KBTBD11: variants seen among roughly 807,000 people sequenced by gnomAD.
KBTBD11 encodes kelch repeat and BTB domain containing 11.
For missense variants in KBTBD11, 1,390 were observed against 1,001.8 expected (o/e 1.39, Z -5.23); for synonymous variants, 747 against 499.0 (o/e 1.50, Z -6.63).
At chr8:1,982,886 C>A (rs1257353800) in intron 1 of KBTBD11, among the ~76,000 whole-genome samples, 1 of 152,070 alleles carries the variant, frequency 6.6e-6, no homozygotes, top group Non-Finnish European at 1.5e-5. Context: ...CCACCATGCC[C>A]AACTAATTTT....
chr8:1,980,228 CTTT>C lies in KBTBD11; in HGVS notation c.-909+6308_-909+6310del, dbSNP rs71211538. On this transcript the variant is annotated intron_variant, in intron 1 of 1. Transcript: ENST00000320248. ...ATGATGTGAAATACTGATAATCAAA[CTTT>C]TTTTTTTTTTTTTTGAGATGGGGTC... Among the ~76,000 whole-genome samples the C allele has an allele frequency of 4.3e-4, 53 of 124,616 alleles. No homozygotes were observed. The South Asian group carries it at 6.8e-3, about 16-fold the overall frequency. The allele number at this position is 124,616 out of a possible 152,430, so 81.8% of individuals were successfully genotyped here. A position where few individuals can be genotyped will look rare whatever the true frequency, so the allele number is the denominator to read the frequency against.
At chr8:1,991,560 A>G (rs1253278636) in intron 1 of KBTBD11, among the ~76,000 whole-genome samples, 1 of 151,946 alleles carries the variant, frequency 6.6e-6, no homozygotes, top group African/African-American at 2.4e-5. Flanking sequence ...CCATGAGGGC[A>G]GGGCCCTTGC....
At chr8:1,984,085 G>A (rs1279453669) in intron 1 of KBTBD11, among the ~76,000 whole-genome samples, 4 of 152,148 alleles carry the variant, frequency 2.6e-5, no homozygotes, top group South Asian at 2.1e-4. Context: ...AGCCAAGATC[G>A]CGCCATTGCC....
intron 1 of KBTBD11, among the ~76,000 whole-genome samples, chr8:1,986,483 T>G (rs1380830282): frequency 1.3e-5 from 2 of 152,238 alleles, no homozygotes; most frequent in Non-Finnish European, 2.9e-5. Flanking sequence ...AACTTGTTTG[T>G]AATCTTGGAC....
intron 1 of KBTBD11, chr8:1,975,172 T>C (rs1462518120): frequency 6.6e-6 from 1 of 152,282 alleles, no homozygotes; most frequent in Non-Finnish European, 1.5e-5. Flanking sequence ...TGCAGATTTA[T>C]GGTAACTGGC....
intron 1 of KBTBD11, chr8:1,974,296 G>A (rs1201918675): frequency 1.0e-6 from 1 of 983,940 alleles, no homozygotes; most frequent in Non-Finnish European, 1.2e-6. Flanking sequence ...AACCCCGGCC[G>A]GAAGACAATG....
At chr8:1,976,939 C>T (rs1165053980) in intron 1 of KBTBD11, among the ~76,000 whole-genome samples, 2 of 152,022 alleles carry the variant, frequency 1.3e-5, no homozygotes, top group East Asian at 1.9e-4. Flanking sequence ...TAATGTCAGC[C>T]GATTTTATGG....
intron 1 of KBTBD11, among the ~76,000 whole-genome samples, chr8:1,978,187 C>T (rs1816415898): frequency 6.6e-6 from 1 of 152,184 alleles, no homozygotes; most frequent in Non-Finnish European, 1.5e-5. Context: ...TGTGTTGTTC[C>T]CCTCCCTGAG....
At chr8:1,995,502 G>A (rs1817103930) in intron 1 of KBTBD11, among the ~76,000 whole-genome samples, 2 of 152,012 alleles carry the variant, frequency 1.3e-5, no homozygotes, top group Admixed American at 6.6e-5. Context: ...ACTATTTTCT[G>A]TGCCTTAAAG....
At chr8:1,987,041 C>G (rs1162622077) in intron 1 of KBTBD11, among the ~76,000 whole-genome samples, 1 of 144,312 alleles carries the variant, frequency 6.9e-6, no homozygotes, top group African/African-American at 2.6e-5. Context: ...AAACCACGCA[C>G]ACACACACAC....
Position 2,001,912 on chromosome 8 carries a change from G to C in KBTBD11, c.720G>C (p.Leu240=), listed in dbSNP as rs1817383232. 6.9e-6 allele frequency: 10 copies of C among 1,454,034 alleles called. No homozygotes were observed. The highest frequency in any genetic ancestry group is 3.0e-5 in the African/African-American group (2 of 67,578). The allele number at this position is 1,454,034 out of a possible 1,614,324, so 90.1% of individuals were successfully genotyped here. A position where few individuals can be genotyped will look rare whatever the true frequency, so the allele number is the denominator to read the frequency against. Residue 240 remains leucine (L), a synonymous_variant, in exon 2 of 2, where the codon CTG becomes CTC. Transcript: ENST00000320248. ...GCCTGGCCAACTGCTACGAGGTCCTGAGCGCGGCCAAGCGGCAGCGGCTGA... is the reference window on the plus strand; with the variant it reads ...GCCTGGCCAACTGCTACGAGGTCCTCAGCGCGGCCAAGCGGCAGCGGCTGA... The part of the protein sequence containing the change: ...QLSLANCYEV[L]SAAKRQRLNE...
At chr8:1,985,991 T>C (rs1816697020) in intron 1 of KBTBD11, among the ~76,000 whole-genome samples, 1 of 152,258 alleles carries the variant, frequency 6.6e-6, no homozygotes, top group Admixed American at 6.5e-5. Flanking sequence ...GATATGAAAC[T>C]GTCTCTTCCT....
intron 1 of KBTBD11, among the ~76,000 whole-genome samples, chr8:1,990,320 C>A (rs1816866574): frequency 8.1e-6 from 1 of 123,800 alleles, no homozygotes; most frequent in Admixed American, 8.4e-5. Context: ...GGTACTGGGC[C>A]TTGGTGCCCT....
Position 1,986,463 on chromosome 8 carries a change from A to G in KBTBD11, c.-909+12528A>G, listed in dbSNP as rs114442772. On this transcript the variant is annotated intron_variant, in intron 1 of 1. Transcript: ENST00000320248. The stretch of plus-strand genomic sequence containing the variant: ...AGTTTGGGAATCTGTTCTACATCCA[A>G]CTCTGCCATAACTTGTTTGTAATCT... Among the ~76,000 whole-genome samples the G allele has an allele frequency of 5.6e-3, 848 of 152,208 alleles. 5 individuals carry two copies. The highest frequency in any genetic ancestry group is 0.019 in the African/African-American group (789 of 41,516).
intron 1 of KBTBD11, among the ~76,000 whole-genome samples, chr8:1,988,706 G>A (rs189722062): frequency 4.6e-4 from 70 of 152,270 alleles, no homozygotes; most frequent in African/African-American, 1.4e-3. Flanking sequence ...GTGGCTCAAC[G>A]CTTGCCTTCT....
intron 1 of KBTBD11, among the ~76,000 whole-genome samples, chr8:1,984,279 GTTTTTT>G (rs71211539): frequency 1.1e-4 from 11 of 98,546 alleles, no homozygotes; most frequent in Admixed American, 2.3e-4. Context: ...CTCTAAAAAA[GTTTTTT>G]TTTTTTTTTT....
chr8:2,001,485 C>A lies in KBTBD11; in HGVS notation c.293C>A (p.Ala98Glu), dbSNP rs896742613. The part of the protein sequence containing the change: ...PEELASPEER[A>E]CPEEPAAPSP... Reference sequence around the variant, plus strand: ...GAGCTCGCGTCCCCTGAGGAGCGCGCGTGCCCGGAAGAGCCCGCGGCGCCG... The same window carrying A: ...GAGCTCGCGTCCCCTGAGGAGCGCGAGTGCCCGGAAGAGCCCGCGGCGCCG... The change falls in exon 2 of 2, where the codon GCG becomes GAG. Residue 98 changes from alanine (A) to glutamate (E), a missense_variant. By Grantham distance (107) the Ala-to-Glu change is moderately radical. Coordinates refer to ENST00000320248, the MANE Select transcript of KBTBD11 (RefSeq NM_014867.3). 7.2e-7 allele frequency: 1 copy of A among 1,381,068 alleles called. No individual in the cohort carries two copies. The allele number at this position is 1,381,068 out of a possible 1,614,324, so 85.6% of individuals were successfully genotyped here.
intron 1 of KBTBD11, among the ~76,000 whole-genome samples, chr8:1,997,881 A>C (rs1252967443): frequency 6.6e-6 from 1 of 152,210 alleles, no homozygotes; most frequent in Non-Finnish European, 1.5e-5. Flanking sequence ...CAACGACAGA[A>C]TACGATAGGG....
intron 1 of KBTBD11, among the ~76,000 whole-genome samples, chr8:1,991,405 G>GC (rs1161910563): frequency 4.6e-5 from 7 of 152,342 alleles, no homozygotes; most frequent in Admixed American, 3.9e-4. Flanking sequence ...TACCTCAGAC[G>GC]CCCCCAGAAG....
Sources: allele counts gnomAD v4.1 joint callset (sites outside exome capture counted in the v4.1 genomes callset), GRCh38; gene constraint gnomAD v4.1.1; transcripts MANE v1.5; gene names NCBI Gene and HGNC (gene_info 2026-07-23, HGNC 2026-07-21).